Variants in DEPDC4 observed in about 807,000 individuals in gnomAD.
DEPDC4 encodes DEP domain-containing protein 4.
DEPDC4 carries 52 observed loss-of-function variants against 52.0 expected under a neutral mutation model. That is an observed-to-expected ratio of 1.00 (90% CI 0.80 to 1.26). DEPDC4 has a LOEUF of 1.26. Ranked by LOEUF, DEPDC4 falls within the 50% of genes most tolerant of loss-of-function variation. DEPDC4 has a pLI of 0.00. For synonymous variants in DEPDC4, 201 were observed against 196.8 expected, an observed-to-expected ratio of 1.02 and a Z score of -0.18; for missense variants, 530 against 546.9, an observed-to-expected ratio of 0.97 and a Z score of 0.31.
At chr12:100,260,570 T>C (rs1489673336) in intron 3 of DEPDC4, among the ~76,000 whole-genome samples, 1 of 151,270 alleles carries the variant, frequency 6.6e-6, no homozygotes, top group Non-Finnish European at 1.5e-5. Context: ...CTTTAAATAT[T>C]AGTCTTCATC....
chr12:100,250,252 G>A (rs565668130), intron 7 of DEPDC4, among the ~76,000 whole-genome samples: 43 of 152,256 alleles, frequency 2.8e-4, no homozygotes, highest in Admixed American at 1.4e-3. Flanking sequence ...GTCTTGTGCT[G>A]TTACCCAGGC....
upstream of DEPDC4, among the ~76,000 whole-genome samples, chr12:100,271,231 TA>T (rs2096287258): frequency 7.8e-6 from 1 of 127,788 alleles, no homozygotes; most frequent in South Asian, 2.4e-4. Flanking sequence ...ACTCTGGCCT[TA>T]AAGTTAGCCC....
At chr12:100,249,311 T>C (rs1392587401) in intron 7 of DEPDC4, among the ~76,000 whole-genome samples, 3 of 152,190 alleles carry the variant, frequency 2.0e-5, no homozygotes, top group Non-Finnish European at 4.4e-5. Flanking sequence ...ACACAGTCCA[T>C]ATGTAAATAG....
intron 4 of DEPDC4, among the ~76,000 whole-genome samples, chr12:100,254,005 T>A (rs1045480794): frequency 1.2e-4 from 19 of 152,174 alleles, no homozygotes; most frequent in Non-Finnish European, 5.9e-5. Context: ...CTAATTTTGT[T>A]AGTAGTTCCC....
intron 8 of DEPDC4, among the ~76,000 whole-genome samples, chr12:100,247,951 T>C (rs2096192855): frequency 6.6e-6 from 1 of 152,170 alleles, no homozygotes; most frequent in Admixed American, 6.6e-5. Context: ...ATCACCGATC[T>C]TTCTAGTTCA....
chr12:100,263,773 C>T lies in DEPDC4; in HGVS notation c.278G>A (p.Gly93Asp). The change falls in exon 2 of 10, where the codon GGT becomes GAT. Residue 93 changes from glycine (G) to aspartate (D), a missense_variant. By Grantham distance (94) the Gly-to-Asp change is moderately conservative. Coordinates refer to ENST00000550587, the MANE Select transcript of DEPDC4 (RefSeq NM_001364818.2). ...TAAGACCACATCGACAGCATCAGAA[C>T]CAGTGAAACAGTCTTTGTATGTCTG... ...HLQTYKDCFTGSDAVDVVLSH... is the reference protein window; with the variant it reads ...HLQTYKDCFTDSDAVDVVLSH... The T allele has an allele frequency of 6.2e-7, 1 of 1,614,142 alleles. No individual in the cohort carries two copies. The highest frequency in any genetic ancestry group is 8.5e-7 in the Non-Finnish European group (1 of 1,180,014).
intron 8 of DEPDC4, among the ~76,000 whole-genome samples, chr12:100,245,140 G>GATT (rs2096179793): frequency 6.6e-6 from 1 of 151,994 alleles, no homozygotes. Context: ...AAAATGCTGG[G>GATT]ATTACAGGTG....
intron 3 of DEPDC4, 101 bp from the exon 4 acceptor site, chr12:100,256,327 A>G: frequency 1.2e-6 from 1 of 810,362 alleles, no homozygotes; most frequent in Non-Finnish European, 1.9e-6. Flanking sequence ...ACAAAAGTAA[A>G]ACTAGTTCAG....
chr12:100,262,210 A>G, intron 3 of DEPDC4, 54 bp downstream of exon 3: 1 of 1,551,292 alleles, frequency 6.4e-7, no homozygotes, highest in Non-Finnish European at 8.7e-7. Context: ...AACCTGTTAA[A>G]AAGAAGTTAG....
intron 3 of DEPDC4, among the ~76,000 whole-genome samples, chr12:100,258,494 A>C (rs1473449023): frequency 6.6e-6 from 1 of 152,204 alleles, no homozygotes; most frequent in African/African-American, 2.4e-5. Flanking sequence ...ATTTACCTTA[A>C]AGTATATTAC....
chr12:100,270,056 G>C (rs1465377567), upstream of DEPDC4, among the ~76,000 whole-genome samples: 1 of 150,648 alleles, frequency 6.6e-6, no homozygotes, highest in South Asian at 2.1e-4. Context: ...GCGCGATCTC[G>C]GCTCACTGCA....
At position 100,253,618 on chromosome 12, in the gene DEPDC4, C is replaced by T. The variant is rs1566317589; in HGVS notation, c.976G>A (p.Glu326Lys). ...TTCTGACTGTTCAATCTTGTCTCTT[C>T]ATTTCTGTTTTGCATTAACTGCTGA... ...VSQQLMQNRN[E>K]ETRLNSQKKI... Residue 326 changes from glutamate to lysine, a missense_variant, in exon 5 of 10, where the codon GAA becomes AAA. Coordinates refer to ENST00000550587, the MANE Select transcript of DEPDC4 (RefSeq NM_001364818.2). The T allele has an allele frequency of 1.6e-6, 2 of 1,289,536 alleles. No individual in the cohort carries two copies. The highest frequency in any genetic ancestry group is 5.5e-5 in the East Asian group (1 of 18,022). The allele number at this position is 1,289,536 out of a possible 1,614,324, so 79.9% of individuals were successfully genotyped here.
At chr12:100,269,164 AT>A (rs2096284337), upstream of DEPDC4, among the ~76,000 whole-genome samples, 1 of 152,168 alleles carries the variant, frequency 6.6e-6, no homozygotes, top group African/African-American at 2.4e-5. Context: ...ACACATTAAC[AT>A]GCCCTACAAG....
chr12:100,254,622 T>C (rs144382906), intron 4 of DEPDC4, among the ~76,000 whole-genome samples: 1 of 152,292 alleles, frequency 6.6e-6, no homozygotes, highest in East Asian at 1.9e-4. Flanking sequence ...CCCCTGTGCC[T>C]GGCCTGAATT....
At position 100,241,600 on chromosome 12, in the gene DEPDC4, T is replaced by C; in HGVS notation, c.*292A>G. ...GATTATGCTTTCTCTGAAGTGTAAGTATGGCAATTTGAGAAAACCACCAGA... is the reference window on the plus strand; with the variant it reads ...GATTATGCTTTCTCTGAAGTGTAAGCATGGCAATTTGAGAAAACCACCAGA... On this transcript the variant is annotated 3_prime_UTR_variant, in exon 10 of 10. Coordinates refer to ENST00000550587, the MANE Select transcript of DEPDC4 (RefSeq NM_001364818.2). 7 of 888,660 alleles carry C rather than the reference T, an allele frequency of 7.9e-6. No homozygotes were observed. Among genetic ancestry groups the C allele is most frequent in the Non-Finnish European group, 1.0e-5 (7 of 699,546 alleles). 55.0% of individuals were successfully genotyped at this position (888,660 alleles called of 1,614,324 possible).
rs555410045 is a variant in DEPDC4 at position 100,243,436 on chromosome 12, G to A, written c.1454-867C>T. Among the ~76,000 whole-genome samples, 65 of 152,166 alleles carry A rather than the reference G, an allele frequency of 4.3e-4. 1 individual carries two copies. The highest frequency in any genetic ancestry group is 5.2e-4 in the Admixed American group (8 of 15,270). On this transcript the variant is annotated intron_variant, in intron 8 of 9. Coordinates refer to ENST00000550587, the MANE Select transcript of DEPDC4 (RefSeq NM_001364818.2). ...CCCTTGTAAACCCTCAGACAATATG[G>A]TCTCCTCCTACTTTATCGAGGAAAA...
At chr12:100,239,081 T>TTGTTAGTTTTTTTG (rs1212385850), downstream of DEPDC4, among the ~76,000 whole-genome samples, 1 of 152,148 alleles carries the variant, frequency 6.6e-6, no homozygotes, top group East Asian at 1.9e-4. Flanking sequence ...GAATTTTTGT[T>TTGTTAGTTTTTTTG]TGTTAGTTTT....
At chr12:100,275,210 T>C in the DEPDC4 span, among the ~76,000 whole-genome samples, 2 of 152,014 alleles carry the variant, frequency 1.3e-5, no homozygotes, top group Admixed American at 1.3e-4. Flanking sequence ...CTTTTTTTTT[T>C]CTTTTTTTTG....
the DEPDC4 span, among the ~76,000 whole-genome samples, chr12:100,272,322 T>C: frequency 6.6e-6 from 1 of 152,230 alleles, no homozygotes; most frequent in Non-Finnish European, 1.5e-5. Flanking sequence ...TAAGAAAAGG[T>C]ATTTGGACTC....
Sources: allele counts gnomAD v4.1 joint callset (sites outside exome capture counted in the v4.1 genomes callset), GRCh38; gene constraint gnomAD v4.1.1; transcripts MANE v1.5; gene names NCBI Gene and HGNC (gene_info 2026-07-23, HGNC 2026-07-21).